The following PAAF1 variants were observed in gnomAD, a reference collection of about 807,000 sequenced individuals.
The protein encoded by PAAF1 is proteasomal ATPase-associated factor 1.
In PAAF1, 46 loss-of-function variants were observed where a neutral mutation model predicts 52.8. That is an observed-to-expected ratio of 0.87 (90% CI 0.69 to 1.11). The LOEUF (loss-of-function observed/expected upper bound fraction) is 1.11, where lower values mean the gene tolerates loss of function less well. PAAF1 is among the 50% of genes most tolerant of loss of function. The pLI, the probability that PAAF1 is intolerant of heterozygous loss-of-function variation, is 0.00. For synonymous variants in PAAF1, 178 were observed against 172.8 expected (o/e 1.03, Z -0.24); for missense variants, 424 against 477.4 (o/e 0.89, Z 1.04).
chr11:73,923,636 A>G (rs1426489275), intron 10 of PAAF1, among the ~76,000 whole-genome samples: 1 of 152,112 alleles, frequency 6.6e-6, no homozygotes, highest in Non-Finnish European at 1.5e-5. Context: ...CCCGGGTTCA[A>G]GCGATTCTCC....
At chr11:73,926,512 A>G (rs1950363300) in intron 11 of PAAF1, among the ~76,000 whole-genome samples, 1 of 152,186 alleles carries the variant, frequency 6.6e-6, no homozygotes, top group African/African-American at 2.4e-5. Context: ...GATTGAGACC[A>G]TCCTGGCCAA....
intron 2 of PAAF1, among the ~76,000 whole-genome samples, chr11:73,886,306 A>T (rs1045609844): frequency 6.6e-6 from 1 of 152,212 alleles, no homozygotes; most frequent in Non-Finnish European, 1.5e-5. Flanking sequence ...TCAGGTTGAG[A>T]TCACTCTAAA....
chr11:73,908,161 G>A (rs1949810433), intron 6 of PAAF1, among the ~76,000 whole-genome samples: 1 of 151,794 alleles, frequency 6.6e-6, no homozygotes, highest in South Asian at 2.1e-4. Flanking sequence ...TTCAAATGGG[G>A]AGGCTAACCC....
chr11:73,909,223 C>T (rs1270392151), intron 6 of PAAF1, among the ~76,000 whole-genome samples, 176 bp from the exon 7 acceptor site: 1 of 152,176 alleles, frequency 6.6e-6, no homozygotes, highest in African/African-American at 2.4e-5. Context: ...GACTTTGATT[C>T]ATTGGGAAGC....
chr11:73,924,982 G>A (rs1344096428), intron 11 of PAAF1, among the ~76,000 whole-genome samples: 1 of 151,650 alleles, frequency 6.6e-6, no homozygotes, highest in South Asian at 2.1e-4. Context: ...GTGAAACCCC[G>A]TCTCTACTAA....
At chr11:73,881,016 A>G (rs1300202499) in intron 2 of PAAF1, among the ~76,000 whole-genome samples, 2 of 152,162 alleles carry the variant, frequency 1.3e-5, no homozygotes, top group Non-Finnish European at 2.9e-5. Flanking sequence ...AAATAAATAA[A>G]TAAAATAAAA....
At chr11:73,887,009 C>A (rs1949080092) in intron 2 of PAAF1, 8 of 451,778 alleles carry the variant, frequency 1.8e-5, no homozygotes, top group South Asian at 1.3e-4. Flanking sequence ...TACACTGGCT[C>A]CCCTTCTCCT....
intron 6 of PAAF1, among the ~76,000 whole-genome samples, chr11:73,902,706 A>AT (rs1228295666): frequency 2.6e-5 from 4 of 151,328 alleles, no homozygotes; most frequent in South Asian, 2.1e-4. Context: ...ATTTATTATT[A>AT]TTTTTTTTGA....
chr11:73,921,939 C>T (rs963404927), intron 10 of PAAF1: 9 of 1,014,004 alleles, frequency 8.9e-6, no homozygotes, highest in Non-Finnish European at 1.4e-5. Context: ...TGGAATTGCA[C>T]TTCTGGAGTT....
chr11:73,905,764 A>G (rs901672088), intron 6 of PAAF1, among the ~76,000 whole-genome samples: 1 of 152,192 alleles, frequency 6.6e-6, no homozygotes, highest in African/African-American at 2.4e-5. Flanking sequence ...TTTATACACA[A>G]TTAATAATAT....
chr11:73,901,807 G>A (rs528965058), intron 6 of PAAF1, among the ~76,000 whole-genome samples: 1 of 151,614 alleles, frequency 6.6e-6, no homozygotes, highest in Non-Finnish European at 1.5e-5. Flanking sequence ...TGACCTCAGG[G>A]TGATCCACCA....
intron 3 of PAAF1, among the ~76,000 whole-genome samples, chr11:73,889,624 G>A (rs1035485780): frequency 6.6e-6 from 1 of 152,166 alleles, no homozygotes; most frequent in Non-Finnish European, 1.5e-5. Flanking sequence ...CTGTCACATA[G>A]CTCCAAAGAA....
At position 73,909,583 on chromosome 11, in the gene PAAF1, G is replaced by A. The variant is rs1224868575; in HGVS notation, c.717G>A (p.Glu239=). The part of the protein sequence containing the change: ...ADNSINLGSP[E]QMPSEREVGT... The stretch of plus-strand genomic sequence containing the variant: ...ACTCCATAAACCTTGGCTCCCCTGA[G>A]CAGATGCCCAGTAAGTTGATAATGA... The change falls in exon 7 of 12, where the codon GAG becomes GAA. Residue 239 remains glutamate, a synonymous_variant. Transcript: ENST00000310571. 1 of 1,614,048 alleles carries A rather than the reference G, an allele frequency of 6.2e-7. No homozygotes were observed. Among genetic ancestry groups the A allele is most frequent in the South Asian group, 1.1e-5 (1 of 91,070 alleles).
At chr11:73,899,034 A>C in intron 4 of PAAF1, 112 bp from the exon 5 acceptor site, 1 of 767,248 alleles carries the variant, frequency 1.3e-6, no homozygotes, top group Non-Finnish European at 2.1e-6. Context: ...GTTGGGAAAC[A>C]CAGGCTTCAG....
At chr11:73,918,194 T>TC (rs1950117693) in intron 9 of PAAF1, among the ~76,000 whole-genome samples, 1 of 152,074 alleles carries the variant, frequency 6.6e-6, no homozygotes, top group Non-Finnish European at 1.5e-5. Flanking sequence ...ACAGGTATGT[T>TC]CCCTGCATAT....
intron 8 of PAAF1, 60 bp from the exon 9 acceptor site, chr11:73,916,485 G>A (rs1950066883): frequency 1.7e-6 from 2 of 1,167,024 alleles, no homozygotes; most frequent in African/African-American, 1.5e-5. Context: ...TTTGGTGCCT[G>A]TTTATTCTTG....
At chr11:73,923,772 C>A (rs1950287844) in intron 10 of PAAF1, among the ~76,000 whole-genome samples, 1 of 152,068 alleles carries the variant, frequency 6.6e-6, no homozygotes, top group African/African-American at 2.4e-5. Flanking sequence ...TTATAGATCA[C>A]CCCTATGATT....
At position 73,914,513 on chromosome 11, in the gene PAAF1, T is replaced by C; in HGVS notation, c.819+9T>C. On this transcript the variant is annotated intron_variant, in intron 8 of 11. Transcript: ENST00000310571. ...TACAGAGCAGGCAGCTGGCAAGTGG[T>C]TCCTATATGACCTTTGAACTCTGAG... The C allele has an allele frequency of 2.5e-6, 4 of 1,613,432 alleles. No individual in the cohort carries two copies. The highest frequency in any genetic ancestry group is 3.4e-6 in the Non-Finnish European group (4 of 1,179,510).
chr11:73,893,336 A>G (rs1949248023), intron 4 of PAAF1, among the ~76,000 whole-genome samples: 1 of 152,252 alleles, frequency 6.6e-6, no homozygotes, highest in East Asian at 1.9e-4. Context: ...AAGTTTATCA[A>G]GAGTCAATTG....
Sources: allele counts gnomAD v4.1 joint callset (sites outside exome capture counted in the v4.1 genomes callset), GRCh38; gene constraint gnomAD v4.1.1; transcripts MANE v1.5; gene names NCBI Gene and HGNC (gene_info 2026-07-23, HGNC 2026-07-21).